Variants in PPFIA4 observed in about 807,000 individuals in gnomAD.
PPFIA4 encodes the protein PPFI scaffold protein A4.
A neutral mutation model predicts 145.7 loss-of-function variants in PPFIA4; 98 were observed. That is an observed-to-expected ratio of 0.67 (90% CI 0.57 to 0.80). The LOEUF (loss-of-function observed/expected upper bound fraction) is 0.80. Ranked by LOEUF, PPFIA4 falls within the 30% of genes least tolerant of loss-of-function variation. The probability of loss-of-function intolerance (pLI) is 0.00; values close to 1 mark genes in which losing one functional copy is unlikely to be tolerated. For missense variants in PPFIA4, 1,457 were observed against 1,632.7 expected (o/e 0.89, Z 1.85); for synonymous variants, 628 against 649.6 (o/e 0.97, Z 0.51).
At chr1:203,038,067 ATGT>A (rs1162624071) in intron 1 of PPFIA4, among the ~76,000 whole-genome samples, 3 of 152,070 alleles carry the variant, frequency 2.0e-5, no homozygotes, top group Non-Finnish European at 4.4e-5. Flanking sequence ...ACCCTTAGCC[ATGT>A]TGTGCCAGTA....
rs1659983844 is a variant in PPFIA4 at position 203,045,224 on chromosome 1, T to G, written c.667-144T>G. 7.1e-6 allele frequency: 5 copies of G among 708,586 alleles called. No individual in the cohort carries two copies. The South Asian group carries it at 9.9e-5, about 14-fold the overall frequency. 43.9% of individuals were successfully genotyped at this position (708,586 alleles called of 1,614,324 possible). On this transcript the variant is annotated intron_variant, in intron 6 of 29. Coordinates refer to ENST00000295706, the MANE Select transcript of PPFIA4 (RefSeq NM_001304331.2). The stretch of plus-strand genomic sequence containing the variant: ...CTCCTGGGGCCCAGAGGGAGGCAGT[T>G]GTAGCCAGAGGAGTGCTGTGATGTT...
Position 203,075,596 on chromosome 1 carries a change from G to A in PPFIA4, c.3413G>A (p.Arg1138His), listed in dbSNP as rs1414639385. 2.1e-6 allele frequency: 3 copies of A among 1,461,202 alleles called. No homozygotes were observed. Among genetic ancestry groups the A allele is most frequent in the Non-Finnish European group, 2.7e-6 (3 of 1,103,534 alleles). 90.5% of individuals were successfully genotyped at this position (1,461,202 alleles called of 1,614,324 possible). ...GTGCAGGGGGATGACAAGGTGTTTC[G>A]CCGCGCGCCCTCCTGGAGGAAGCGC... ...KLDDGDDKVF[R>H]RAPSWRKRFR... The change falls in exon 29 of 30, where the codon CGC becomes CAC. Residue 1138 changes from arginine (R) to histidine (H), a missense_variant. Arg to His is a conservative substitution (Grantham distance 29). Transcript: ENST00000295706. This position sits in a 1 kb window ranked among gnomAD's most constrained non-coding sequence, Gnocchi z 4.1.
At chr1:203,071,824 A>G (rs778151544) in intron 28 of PPFIA4, 64 bp downstream of exon 28, 7 of 1,371,310 alleles carry the variant, frequency 5.1e-6, no homozygotes, top group Non-Finnish European at 6.2e-6. Context: ...ATTGAGGTTC[A>G]TGAGTTCTGC....
Position 203,060,922 on chromosome 1 carries a change from C to G in PPFIA4, c.2785-48C>G, listed in dbSNP as rs1424825654. 6.3e-7 allele frequency: 1 copy of G among 1,578,438 alleles called. No individual in the cohort carries two copies. Among genetic ancestry groups the G allele is most frequent in the Non-Finnish European group, 8.7e-7 (1 of 1,148,244 alleles). On this transcript the variant is annotated intron_variant, in intron 22 of 29. Coordinates refer to ENST00000295706, the MANE Select transcript of PPFIA4 (RefSeq NM_001304331.2). The surrounding 1 kb of genome is among the most constrained non-coding windows in gnomAD (Gnocchi z 4.8). ...TTTGGGCTCCCAGCCTGATGGGGAT[C>G]CTGGGGACCCACACCCAGGACCAGC...
intron 1 of PPFIA4, chr1:203,034,621 A>G (rs1659089631): frequency 2.2e-6 from 1 of 456,574 alleles, no homozygotes; most frequent in Non-Finnish European, 4.4e-6. Context: ...GGGAGCAGAG[A>G]TTTGGGTGCG....
chr1:203,061,758 G>T (rs377340190), intron 24 of PPFIA4, 80 bp downstream of exon 24: 11 of 1,406,952 alleles, frequency 7.8e-6, no homozygotes, highest in African/African-American at 1.5e-5. Context: ...TCCGCAGCAG[G>T]AATCTCTGAG....
intron 2 of PPFIA4, among the ~76,000 whole-genome samples, chr1:203,041,406 A>G (rs1398152097): frequency 2.6e-5 from 4 of 152,178 alleles, no homozygotes; most frequent in Non-Finnish European, 4.4e-5. Flanking sequence ...AGCCTGGGCA[A>G]TGTGGCAAAA....
In PPFIA4 at chr1:203,045,907, C is replaced by A; in HGVS notation, c.925C>A (p.Gln309Lys). ...TTLEKRYLAAQREATSIHDLN... is the reference protein window; with the variant it reads ...TTLEKRYLAAKREATSIHDLN... ...ACTGGAGAAGCGCTACCTGGCTGCT[C>A]AGCGTGAGGCAACATCCATCCATGA... Residue 309 changes from glutamine (Q) to lysine (K), a missense_variant, in exon 8 of 30, where the codon CAG (glutamine) becomes AAG (lysine). Gln to Lys is a moderately conservative substitution (Grantham distance 53). Around this residue, in one of 3 missense-constraint regions of PPFIA4, gnomAD observed 463 missense variants for 459.8 expected, o/e 1.01. Transcript: ENST00000295706. 1 of 1,612,786 alleles carries A rather than the reference C, an allele frequency of 6.2e-7. No homozygotes were observed. The highest frequency in any genetic ancestry group is 8.5e-7 in the Non-Finnish European group (1 of 1,179,838).
intron 25 of PPFIA4, chr1:203,067,425 G>A (rs1661801320): frequency 4.6e-6 from 2 of 432,852 alleles, no homozygotes; most frequent in South Asian, 6.8e-5. Context: ...GGACATGTTG[G>A]ATTCATTCAA....
rs1201839178 is a variant in PPFIA4, at chr1:203,044,086, G to C, written c.492G>C (p.Leu164=). The change falls in exon 4 of 30, where the codon CTG becomes CTC. Residue 164 remains leucine, a synonymous_variant. Coordinates refer to ENST00000295706, the MANE Select transcript of PPFIA4 (RefSeq NM_001304331.2). ...LKSLFEHHKA[L]DEKVRERLRA... ...CACTGTTTGAGCACCACAAGGCCCT[G>C]GATGAGAAGGTGCCCACCTGCCCGC... 6.3e-7 allele frequency: 1 copy of C among 1,589,340 alleles called. No individual in the cohort carries two copies.
rs1162829232 is a variant in PPFIA4, at chr1:203,038,982, G to A, written c.-27G>A. On this transcript the variant is annotated 5_prime_UTR_variant, in exon 2 of 30. Coordinates refer to ENST00000295706, the MANE Select transcript of PPFIA4 (RefSeq NM_001304331.2). ...TGTGAGTCCCTCCCTGTCCCCTGAC[G>A]CTGAGAAGGCCCTGCCAACCCCCAC... The A allele has an allele frequency of 8.5e-6, 11 of 1,290,012 alleles. No individual in the cohort carries two copies. The highest frequency in any genetic ancestry group is 8.0e-5 in the Admixed American group (3 of 37,408). 79.9% of individuals were successfully genotyped at this position (1,290,012 alleles called of 1,614,324 possible).
chr1:203,075,922 A>G lies in PPFIA4; in HGVS notation c.3574+165A>G. The stretch of plus-strand genomic sequence containing the variant: ...TCCGCGGGGAGCGTGTGTGCGCACT[A>G]ACCCGCCGCTCTGTGTGTTCTCCCG... On this transcript the variant is annotated intron_variant, in intron 29 of 29. Transcript: ENST00000295706. This position sits in a 1 kb window ranked among gnomAD's most constrained non-coding sequence, Gnocchi z 4.1. 1.4e-6 allele frequency: 1 copy of G among 707,908 alleles called. No homozygotes were observed. The highest frequency in any genetic ancestry group is 2.1e-6 in the Non-Finnish European group (1 of 479,872). 43.9% of individuals were successfully genotyped at this position (707,908 alleles called of 1,614,324 possible).
In PPFIA4 at chr1:203,043,863, C is replaced by A; in HGVS notation, c.337-68C>A. The A allele has an allele frequency of 6.8e-7, 1 of 1,467,642 alleles. No individual in the cohort carries two copies. The highest frequency in any genetic ancestry group is 1.8e-4 in the Middle Eastern group (1 of 5,540). 90.9% of individuals were successfully genotyped at this position (1,467,642 alleles called of 1,614,324 possible). ...ATGTCTGCTCGGGGATCACATGGACCCTGCTTGTAGCCCCTGGGGCACATG... is the reference window on the plus strand; with the variant it reads ...ATGTCTGCTCGGGGATCACATGGACACTGCTTGTAGCCCCTGGGGCACATG... On this transcript the variant is annotated intron_variant, in intron 3 of 29. Transcript: ENST00000295706. This position sits in a 1 kb window ranked among gnomAD's most constrained non-coding sequence, Gnocchi z 4.4.
intron 1 of PPFIA4, chr1:203,035,156 G>T: frequency 2.6e-6 from 1 of 383,616 alleles, no homozygotes; most frequent in East Asian, 7.4e-5. Flanking sequence ...CTGGGTGGGT[G>T]TCCGACCCTC....
In PPFIA4 at chr1:203,046,258, A is replaced by G. The variant is rs1221045319; in HGVS notation, c.1016A>G (p.Lys339Arg). 1 of 1,593,212 alleles carries G rather than the reference A, an allele frequency of 6.3e-7. No individual in the cohort carries two copies. The highest frequency in any genetic ancestry group is 8.5e-7 in the Non-Finnish European group (1 of 1,170,642). Residue 339 changes from lysine (K) to arginine (R), a missense_variant, in exon 9 of 30, where the codon AAG becomes AGG. Physicochemically the swap from Lys to Arg is conservative, Grantham distance 26. This residue lies in a region of PPFIA4 where 463 missense variants were observed against 459.8 expected (regional missense o/e 1.01). Coordinates refer to ENST00000295706, the MANE Select transcript of PPFIA4 (RefSeq NM_001304331.2). The part of the protein sequence containing the change: ...KESLHRQCEE[K>R]ARHLQELLEV... Reference sequence around the variant, plus strand: ...CCCCCACATTGCTAGTGTGAGGAGAAGGCCCGACACCTGCAGGAGCTGCTG... The same window carrying G: ...CCCCCACATTGCTAGTGTGAGGAGAGGGCCCGACACCTGCAGGAGCTGCTG...
At chr1:203,054,074 C>A in intron 15 of PPFIA4, 113 bp downstream of exon 15, 3 of 1,221,312 alleles carry the variant, frequency 2.5e-6, no homozygotes, top group Non-Finnish European at 3.5e-6. Context: ...CTTAGAGTAC[C>A]ACAGTTCAGG....
At chr1:203,035,705 C>T (rs187326803) in intron 1 of PPFIA4, 55 of 455,668 alleles carry the variant, frequency 1.2e-4, no homozygotes, top group African/African-American at 1.0e-3. Flanking sequence ...ATGATAATTG[C>T]GCTATTTAAA....
intron 1 of PPFIA4, among the ~76,000 whole-genome samples, chr1:203,032,742 C>T (rs192515895): frequency 1.4e-4 from 21 of 151,942 alleles, no homozygotes; most frequent in Admixed American, 9.2e-4. Flanking sequence ...CTACCATGCC[C>T]GGCCTTCCCC....
chr1:203,050,923 A>G (rs1426806687), intron 13 of PPFIA4, among the ~76,000 whole-genome samples: 9 of 151,146 alleles, frequency 6.0e-5, no homozygotes, highest in African/African-American at 2.0e-4. Context: ...GGGTTCGACT[A>G]TAGAATCATT....
Sources: allele counts gnomAD v4.1 joint callset (sites outside exome capture counted in the v4.1 genomes callset), GRCh38; gene constraint gnomAD v4.1.1; regional missense constraint gnomAD v4.1.1; non-coding constraint Gnocchi (gnomAD v3.1); transcripts MANE v1.5; gene names NCBI Gene and HGNC (gene_info 2026-07-23, HGNC 2026-07-21).